Variants in FOXJ3 observed in about 807,000 individuals in gnomAD.
FOXJ3 encodes forkhead box J3, also known as forkhead box protein J3.
In FOXJ3, 22 loss-of-function variants were observed where a neutral mutation model predicts 76.1. That is an observed-to-expected ratio of 0.29 (90% CI 0.21 to 0.41). FOXJ3 has a LOEUF of 0.41. Ranked by LOEUF, FOXJ3 falls within the 10% of genes least tolerant of loss-of-function variation. FOXJ3 has a pLI of 1.00. For synonymous variants in FOXJ3, 269 were observed against 261.2 expected, an observed-to-expected ratio of 1.03 and a Z score of -0.29; for missense variants, 613 against 762.1, an observed-to-expected ratio of 0.80 and a Z score of 2.30.
intron 1 of FOXJ3, among the ~76,000 whole-genome samples, chr1:42,326,984 T>C (rs2124789632): frequency 6.6e-6 from 1 of 152,254 alleles, no homozygotes; most frequent in East Asian, 1.9e-4. Flanking sequence ...TATCTCATCT[T>C]CTCCATTTGC....
chr1:42,227,097 CAAAT>C (rs1245845210), intron 5 of FOXJ3, among the ~76,000 whole-genome samples: 1 of 152,154 alleles, frequency 6.6e-6, no homozygotes, highest in Admixed American at 6.5e-5. Flanking sequence ...AATATAAAAA[CAAAT>C]AATTTCTACA....
intron 1 of FOXJ3, among the ~76,000 whole-genome samples, chr1:42,324,054 C>CTGTATATACACACTATATATAGTATATAT (rs1557725618): frequency 1.8e-5 from 2 of 112,748 alleles, no homozygotes; most frequent in Non-Finnish European, 3.6e-5. Context: ...ATAGTATATA[C>CTGTATATACACACTATATATAGTATATAT]ACTGTATATA....
chr1:42,308,362 T>C (rs185454285), intron 2 of FOXJ3, among the ~76,000 whole-genome samples: 1 of 152,226 alleles, frequency 6.6e-6, no homozygotes, highest in Non-Finnish European at 1.5e-5. Flanking sequence ...GAAGACTCTA[T>C]GGGAAAGTAG....
At chr1:42,185,434 A>AT (rs939263642) in intron 11 of FOXJ3, among the ~76,000 whole-genome samples, 1 of 150,644 alleles carries the variant, frequency 6.6e-6, no homozygotes, top group Non-Finnish European at 1.5e-5. Context: ...ATTTTTTTGT[A>AT]TTTTTTTAGT....
intron 5 of FOXJ3, among the ~76,000 whole-genome samples, chr1:42,214,692 C>T (rs1264954149): frequency 6.6e-6 from 1 of 152,166 alleles, no homozygotes; most frequent in African/African-American, 2.4e-5. Context: ...TGCAGCTTTG[C>T]CCCAAGATTA....
At chr1:42,209,009 C>T (rs1360561255) in intron 5 of FOXJ3, among the ~76,000 whole-genome samples, 3 of 152,130 alleles carry the variant, frequency 2.0e-5, no homozygotes, top group Admixed American at 6.5e-5. Context: ...ATATGTGTTG[C>T]TTTTGTACCA....
At chr1:42,179,889 C>A in intron 12 of FOXJ3, 64 bp from the exon 13 acceptor site, 2 of 1,010,274 alleles carry the variant, frequency 2.0e-6, no homozygotes, top group South Asian at 1.3e-5. Flanking sequence ...AATAAACTAA[C>A]CCCTACTGTG....
At position 42,259,463 on chromosome 1, in the gene FOXJ3, T is replaced by C. The variant is rs193129485; in HGVS notation, c.444+5652A>G. 2.6e-5 allele frequency among the ~76,000 whole-genome samples: 4 copies of C among 152,322 alleles called. No homozygotes were observed. In the East Asian group the frequency reaches 7.7e-4, roughly 29 times the overall value. ...AGAGGCCAACAACAACAAAATGTTC[T>C]CTTCCAACTTTAAAAAGAGAACAGA... On this transcript the variant is annotated intron_variant, in intron 4 of 12. Coordinates refer to ENST00000361346, the MANE Select transcript of FOXJ3 (RefSeq NM_014947.5).
At chr1:42,296,200 GTTA>G (rs1444628650) in intron 2 of FOXJ3, among the ~76,000 whole-genome samples, 2 of 151,922 alleles carry the variant, frequency 1.3e-5, no homozygotes, top group African/African-American at 2.4e-5. Flanking sequence ...TTTTTTCCCC[GTTA>G]TTAGAGTTCC....
chr1:42,184,275 A>C (rs1030167534), intron 11 of FOXJ3, among the ~76,000 whole-genome samples: 11 of 152,110 alleles, frequency 7.2e-5, no homozygotes, highest in African/African-American at 2.7e-4. Flanking sequence ...TGAAAATGTA[A>C]AACTGATTTT....
chr1:42,274,202 G>A (rs746969279), intron 3 of FOXJ3, among the ~76,000 whole-genome samples: 3 of 152,054 alleles, frequency 2.0e-5, no homozygotes, highest in African/African-American at 4.8e-5. Context: ...CAGTACCCAG[G>A]GGTAAAGCCA....
intron 3 of FOXJ3, among the ~76,000 whole-genome samples, chr1:42,271,907 G>A (rs1452566265): frequency 1.3e-5 from 2 of 152,182 alleles, no homozygotes; most frequent in South Asian, 4.1e-4. Flanking sequence ...GCCTCCCAAA[G>A]TGCTGGGATT....
intron 5 of FOXJ3, among the ~76,000 whole-genome samples, chr1:42,221,371 G>A (rs1224946829): frequency 6.6e-6 from 1 of 152,120 alleles, no homozygotes; most frequent in Admixed American, 6.5e-5. Flanking sequence ...AAGGGGGTTG[G>A]GGGGATCAAA....
At chr1:42,217,153 GATA>G (rs1415637234) in intron 5 of FOXJ3, among the ~76,000 whole-genome samples, 1 of 152,072 alleles carries the variant, frequency 6.6e-6, no homozygotes, top group African/African-American at 2.4e-5. Flanking sequence ...ATTAGAACAA[GATA>G]ATAAAATACA....
At chr1:42,194,817 C>T (rs1251331132) in intron 8 of FOXJ3, 73 bp downstream of exon 8, 4 of 918,616 alleles carry the variant, frequency 4.4e-6, no homozygotes, top group Non-Finnish European at 6.6e-6. Context: ...AGTATAACAG[C>T]TGCCATGTGA....
chr1:42,282,852 T>C (rs1489389535), intron 2 of FOXJ3, among the ~76,000 whole-genome samples: 4 of 152,204 alleles, frequency 2.6e-5, no homozygotes, highest in Non-Finnish European at 5.9e-5. Flanking sequence ...AGAATTTATA[T>C]GTAACTGTGA....
intron 2 of FOXJ3, among the ~76,000 whole-genome samples, chr1:42,306,534 C>T (rs535375844): frequency 1.3e-5 from 2 of 152,032 alleles, no homozygotes. Flanking sequence ...GAACTCCTGA[C>T]CTCGTGATCC....
At chr1:42,332,604 A>G (rs1384442727) in intron 1 of FOXJ3, among the ~76,000 whole-genome samples, 1 of 152,130 alleles carries the variant, frequency 6.6e-6, no homozygotes, top group Non-Finnish European at 1.5e-5. Flanking sequence ...CAGGAACAAG[A>G]TGCATCATCT....
At chr1:42,325,662 C>T (rs1335330653) in intron 1 of FOXJ3, among the ~76,000 whole-genome samples, 1 of 152,152 alleles carries the variant, frequency 6.6e-6, no homozygotes, top group Non-Finnish European at 1.5e-5. Context: ...GGAATGGAAG[C>T]TTATAAGTAG....
Sources: allele counts gnomAD v4.1 joint callset (sites outside exome capture counted in the v4.1 genomes callset), GRCh38; gene constraint gnomAD v4.1.1; transcripts MANE v1.5; gene names NCBI Gene and HGNC (gene_info 2026-07-23, HGNC 2026-07-21).